MBNL2: variants seen among roughly 807,000 people sequenced by gnomAD.
MBNL2 encodes muscleblind like splicing regulator 2, also known as muscleblind-like protein 2.
In MBNL2, 17 loss-of-function variants were observed where a neutral mutation model predicts 41.9. The ratio of observed to expected loss-of-function variants is 0.41; its 90% CI spans 0.28 to 0.61. The LOEUF is 0.61. MBNL2 is among the 20% of genes least tolerant of loss of function. MBNL2 has a pLI of 0.35. For missense variants in MBNL2, 336 were observed against 505.6 expected, an observed-to-expected ratio of 0.66 and a Z score of 3.22; for synonymous variants, 195 against 182.9, an observed-to-expected ratio of 1.07 and a Z score of -0.53.
Position 97,343,086 on chromosome 13 carries a change from T to C in MBNL2, c.410T>C (p.Val137Ala), listed in dbSNP as rs758630521. The change falls in exon 4 of 9, where the codon GTA (valine) becomes GCA (alanine). Residue 137 changes from valine to alanine, a missense_variant. Coordinates refer to ENST00000679496, the MANE Select transcript of MBNL2 (RefSeq NM_001382683.1). ...AISFAPYLAP[V>A]TPGVGLVPTE... ...AGCTTTGCTCCTTACCTAGCACCTG[T>C]AACCCCTGGAGTTGGGTTGGTCCCA... The C allele has an allele frequency of 1.2e-6, 2 of 1,613,990 alleles. No homozygotes were observed. The highest frequency in any genetic ancestry group is 1.7e-6 in the Non-Finnish European group (2 of 1,179,828).
chr13:97,170,277 C>T, the MBNL2 span, among the ~76,000 whole-genome samples: 1 of 152,218 alleles, frequency 6.6e-6, no homozygotes, highest in Admixed American at 6.5e-5. Flanking sequence ...TTATTATTAA[C>T]TGTGAACCAG....
At chr13:97,198,839 A>G in the MBNL2 span, among the ~76,000 whole-genome samples, 2 of 152,018 alleles carry the variant, frequency 1.3e-5, no homozygotes, top group East Asian at 1.9e-4. Flanking sequence ...CACTGCTCCA[A>G]TCCAAGCCAG....
chr13:97,358,246 G>C (rs2063142379), intron 7 of MBNL2, among the ~76,000 whole-genome samples: 1 of 152,134 alleles, frequency 6.6e-6, no homozygotes, highest in African/African-American at 2.4e-5. Flanking sequence ...AATAGTCATA[G>C]AATCTTAGAG....
At chr13:97,277,613 A>C (rs567488989) in intron 2 of MBNL2, among the ~76,000 whole-genome samples, 1 of 152,344 alleles carries the variant, frequency 6.6e-6, no homozygotes, top group Admixed American at 6.5e-5. Context: ...TTTAAGTTTT[A>C]ATATATCTTA....
chr13:97,218,692 C>A (rs117287488), upstream of MBNL2, among the ~76,000 whole-genome samples: 1,068 of 151,210 alleles, frequency 7.1e-3, 10 homozygotes, highest in Non-Finnish European at 0.011. Flanking sequence ...AAGCTTCTAT[C>A]CAGAGTTTCC....
At position 97,393,596 on chromosome 13, in the gene MBNL2, G is replaced by T. The variant is rs1486348671; in HGVS notation, c.*2147G>T. 5 of 152,474 alleles carry T rather than the reference G, an allele frequency of 3.3e-5. No homozygotes were observed. Among genetic ancestry groups the T allele is most frequent in the Admixed American group, 6.6e-5 (1 of 15,238 alleles). The allele number at this position is 152,474 out of a possible 1,614,324, so 9.4% of individuals were successfully genotyped here. On this transcript the variant is annotated 3_prime_UTR_variant, in exon 9 of 9. Transcript: ENST00000679496. Reference sequence around the variant, plus strand: ...TAAATATGCCATTTACAATAAGGAGGAGGCAAGGCAAATGCATAGATGTAC... The same window carrying T: ...TAAATATGCCATTTACAATAAGGAGTAGGCAAGGCAAATGCATAGATGTAC...
chr13:97,366,562 CT>C lies in MBNL2; in HGVS notation c.1048+1395del. The C allele has an allele frequency of 1.3e-6, 2 of 1,566,142 alleles. No homozygotes were observed. The highest frequency in any genetic ancestry group is 8.8e-7 in the Non-Finnish European group (1 of 1,139,306). ...CAGCCACAGCCAATCAGGTTTGCTC[CT>C]TTTAAAGCTTTCTTTCACAAATCCC... On this transcript the variant is annotated intron_variant, in intron 8 of 8. Coordinates refer to ENST00000679496, the MANE Select transcript of MBNL2 (RefSeq NM_001382683.1). The surrounding 1 kb of genome is among the most constrained non-coding windows in gnomAD (Gnocchi z 4.7).
At chr13:97,337,061 G>T (rs1209431521) in intron 3 of MBNL2, among the ~76,000 whole-genome samples, 1 of 152,056 alleles carries the variant, frequency 6.6e-6, no homozygotes, top group African/African-American at 2.4e-5. Flanking sequence ...CAAAATTCAC[G>T]TTGAGTCCTA....
the MBNL2 span, among the ~76,000 whole-genome samples, chr13:97,190,078 G>T: frequency 6.6e-6 from 1 of 152,216 alleles, no homozygotes; most frequent in African/African-American, 2.4e-5. Flanking sequence ...GCCACCTGCC[G>T]CAGTGGACCC....
At position 97,341,767 on chromosome 13, in the gene MBNL2, G is replaced by A. The variant is rs764422892; in HGVS notation, c.340-1249G>A. ...TCTTTTCTATAATGACTTTTCATAA[G>A]AGATATTTTTCTGTTACTGCTATAA... On this transcript the variant is annotated intron_variant, in intron 3 of 8. Coordinates refer to ENST00000679496, the MANE Select transcript of MBNL2 (RefSeq NM_001382683.1). 2.6e-5 allele frequency among the ~76,000 whole-genome samples: 4 copies of A among 152,146 alleles called. No individual in the cohort carries two copies. The South Asian group carries it at 8.3e-4, about 32-fold the overall frequency.
the MBNL2 span, among the ~76,000 whole-genome samples, chr13:97,154,792 A>AGGATGGATGGATGGATGGATGGAT: frequency 1.4e-5 from 2 of 146,168 alleles, no homozygotes; most frequent in Non-Finnish European, 3.0e-5. Flanking sequence ...AAATGGTATA[A>AGGATGGATGGATGGATGGATGGAT]GGATGGATGG....
the MBNL2 span, among the ~76,000 whole-genome samples, chr13:97,216,247 T>G: frequency 3.3e-5 from 5 of 152,262 alleles, no homozygotes; most frequent in East Asian, 9.6e-4. Context: ...TTCGAAAGTA[T>G]GTAAATTTTC....
chr13:97,151,902 A>G, the MBNL2 span, among the ~76,000 whole-genome samples: 4 of 152,172 alleles, frequency 2.6e-5, no homozygotes, highest in South Asian at 6.2e-4. Context: ...CCAGATTACA[A>G]TATAGTATAT....
rs555764855 is a variant in MBNL2 at position 97,311,360 on chromosome 13, T to C, written c.175-22916T>C. 4.6e-5 allele frequency among the ~76,000 whole-genome samples: 7 copies of C among 152,272 alleles called. No individual in the cohort carries two copies. In the South Asian group the frequency reaches 1.5e-3, roughly 32 times the overall value. On this transcript the variant is annotated intron_variant, in intron 2 of 8. Coordinates refer to ENST00000679496, the MANE Select transcript of MBNL2 (RefSeq NM_001382683.1). ...CACCAAGGTTCTAACTATATAAAAATATGAAACTGTCAAAAATGAGTCTTC... is the reference window on the plus strand; with the variant it reads ...CACCAAGGTTCTAACTATATAAAAACATGAAACTGTCAAAAATGAGTCTTC...
At chr13:97,230,270 C>G (rs1023738939) in intron 1 of MBNL2, among the ~76,000 whole-genome samples, 1 of 152,120 alleles carries the variant, frequency 6.6e-6, no homozygotes, top group Non-Finnish European at 1.5e-5. Context: ...TGCAGAAATT[C>G]TAGGAGGAGT....
chr13:97,196,614 G>A, the MBNL2 span, among the ~76,000 whole-genome samples: 2 of 152,234 alleles, frequency 1.3e-5, no homozygotes, highest in East Asian at 3.9e-4. Context: ...TAGCTATGGA[G>A]GTCATAGTGG....
intron 8 of MBNL2, among the ~76,000 whole-genome samples, chr13:97,374,462 T>C (rs943650276): frequency 2.4e-4 from 36 of 149,646 alleles, no homozygotes; most frequent in African/African-American, 7.2e-4. Context: ...GGTGCAATCT[T>C]GGCTCACTGC....
chr13:97,391,170 G>A (rs1004799546), intron 8 of MBNL2, 152 bp from the exon 9 acceptor site: 10 of 583,892 alleles, frequency 1.7e-5, no homozygotes, highest in Admixed American at 6.4e-5. Context: ...CATGAAGGGC[G>A]GGTATTGTGC....
chr13:97,320,870 G>A (rs1350282897), intron 2 of MBNL2, among the ~76,000 whole-genome samples: 5 of 151,976 alleles, frequency 3.3e-5, no homozygotes, highest in Non-Finnish European at 5.9e-5. Flanking sequence ...AGCCGAGATC[G>A]CACCACTGCA....
Sources: allele counts gnomAD v4.1 joint callset (sites outside exome capture counted in the v4.1 genomes callset), GRCh38; gene constraint gnomAD v4.1.1; non-coding constraint Gnocchi (gnomAD v3.1); transcripts MANE v1.5; gene names NCBI Gene and HGNC (gene_info 2026-07-23, HGNC 2026-07-21).